Variants in NEMF observed in about 807,000 individuals in gnomAD.
NEMF encodes the protein ribosome quality control complex subunit NEMF.
NEMF carries 89 observed loss-of-function variants against 162.2 expected under a neutral mutation model. That is an observed-to-expected ratio of 0.55 (90% CI 0.46 to 0.65). The LOEUF (loss-of-function observed/expected upper bound fraction) is 0.65. Ranked by LOEUF, NEMF falls within the 30% of genes least tolerant of loss-of-function variation. The pLI is 0.00. For synonymous variants in NEMF, 421 were observed against 404.5 expected, an observed-to-expected ratio of 1.04 and a Z score of -0.49; for missense variants, 1,133 against 1,261.9, an observed-to-expected ratio of 0.90 and a Z score of 1.55.
intron 18 of NEMF, among the ~76,000 whole-genome samples, chr14:49,808,719 T>C (rs1891335181): frequency 1.3e-5 from 2 of 151,144 alleles, no homozygotes; most frequent in African/African-American, 2.4e-5. Flanking sequence ...TATCTAGTAG[T>C]GCCATACTAC....
At chr14:49,788,070 G>A (rs888297040) in intron 28 of NEMF, among the ~76,000 whole-genome samples, 1 of 152,254 alleles carries the variant, frequency 6.6e-6, no homozygotes, top group African/African-American at 2.4e-5. Flanking sequence ...CCTGAGATCA[G>A]GAGTTCAAGA....
At chr14:49,819,600 G>T (rs1257244529) in intron 16 of NEMF, among the ~76,000 whole-genome samples, 1 of 152,042 alleles carries the variant, frequency 6.6e-6, no homozygotes, top group Non-Finnish European at 1.5e-5. Flanking sequence ...TTTTTGTAGA[G>T]ACGGGGTTTC....
intron 22 of NEMF, 99 bp from the exon 23 acceptor site, chr14:49,800,795 T>G (rs1423797640): frequency 4.2e-6 from 5 of 1,182,490 alleles, no homozygotes; most frequent in Non-Finnish European, 6.0e-6. Flanking sequence ...TCTCCCATAT[T>G]TCTCCAAAAA....
intron 28 of NEMF, 90 bp downstream of exon 28, chr14:49,789,056 T>C: frequency 1.0e-6 from 1 of 965,090 alleles, no homozygotes; most frequent in Non-Finnish European, 1.6e-6. Flanking sequence ...TCACTTGTCT[T>C]GGTTTTAGCA....
At chr14:49,852,568 G>A (rs1893834429) in intron 1 of NEMF, 127 bp downstream of exon 1, 1 of 1,017,522 alleles carries the variant, frequency 9.8e-7, no homozygotes, top group South Asian at 1.4e-5. Flanking sequence ...GCCCACTCAG[G>A]CCTAGGCAGG....
chr14:49,791,950 A>T (rs1890473991), intron 26 of NEMF, among the ~76,000 whole-genome samples: 9 of 151,652 alleles, frequency 5.9e-5, no homozygotes, highest in Admixed American at 5.9e-4. Context: ...ATAAACCTAA[A>T]ATCATTAAAG....
rs765760063 is a variant in NEMF at position 49,828,807 on chromosome 14, T to C, written c.1233A>G (p.Arg411=). 3 of 1,523,622 alleles carry C rather than the reference T, an allele frequency of 2.0e-6. No individual in the cohort carries two copies. Among genetic ancestry groups the C allele is most frequent in the Admixed American group, 2.3e-5 (1 of 43,404 alleles). The allele number at this position is 1,523,622 out of a possible 1,614,324, so 94.4% of individuals were successfully genotyped here. ...LQTNHVTMLL[R]NPYLLSEEED... The stretch of plus-strand genomic sequence containing the variant: ...CCTCCTCTGATAACAAGTATGGATT[T>C]CTATTAAAAATATTCAATAGCATTT... The change falls in exon 14 of 33, where the codon AGA becomes AGG. Residue 411 remains arginine (R), a splice_region_variant and synonymous_variant. Transcript: ENST00000298310.
intron 8 of NEMF, 34 bp from the exon 9 acceptor site, chr14:49,832,311 C>A (rs778655564): frequency 3.7e-6 from 5 of 1,334,832 alleles, no homozygotes; most frequent in South Asian, 1.3e-5. Context: ...CATTCCTATT[C>A]ATAATTAACA....
At chr14:49,841,405 T>C (rs1893200069) in intron 4 of NEMF, among the ~76,000 whole-genome samples, 1 of 150,798 alleles carries the variant, frequency 6.6e-6, no homozygotes, top group Non-Finnish European at 1.5e-5. Flanking sequence ...AGAAACCCTG[T>C]CTCTACTAAA....
At chr14:49,806,179 C>A in intron 18 of NEMF, 46 bp from the exon 19 acceptor site, 1 of 1,328,728 alleles carries the variant, frequency 7.5e-7, no homozygotes, top group South Asian at 1.2e-5. Context: ...TATGGACTTT[C>A]TCCAGAGCAA....
At chr14:49,847,871 A>G (rs949318968) in intron 3 of NEMF, among the ~76,000 whole-genome samples, 1 of 151,774 alleles carries the variant, frequency 6.6e-6, no homozygotes, top group African/African-American at 2.4e-5. Flanking sequence ...ATCTCTACTA[A>G]AAATACAAAA....
chr14:49,817,525 A>G (rs1340614145), intron 16 of NEMF, among the ~76,000 whole-genome samples: 1 of 152,200 alleles, frequency 6.6e-6, no homozygotes, highest in African/African-American at 2.4e-5. Context: ...CTGACAAACA[A>G]GGAAAAAATA....
intron 28 of NEMF, among the ~76,000 whole-genome samples, chr14:49,788,747 C>T (rs1272210503): frequency 1.3e-5 from 2 of 151,896 alleles, no homozygotes; most frequent in East Asian, 1.9e-4. Flanking sequence ...TTAGTAGAGA[C>T]AGGGTTTCAC....
At chr14:49,827,515 G>A (rs893564722) in intron 15 of NEMF, among the ~76,000 whole-genome samples, 1 of 151,924 alleles carries the variant, frequency 6.6e-6, no homozygotes, top group Non-Finnish European at 1.5e-5. Flanking sequence ...GGATCACAAC[G>A]GGGCTAGGCA....
In NEMF at chr14:49,789,283, C is replaced by G; in HGVS notation, c.2758G>C (p.Glu920Gln). The G allele has an allele frequency of 6.2e-7, 1 of 1,614,168 alleles. No individual in the cohort carries two copies. The highest frequency in any genetic ancestry group is 8.5e-7 in the Non-Finnish European group (1 of 1,180,018). Residue 920 changes from glutamate (E) to glutamine (Q), a missense_variant, in exon 28 of 33, where the codon GAA becomes CAA. Transcript: ENST00000298310. ...KKGKKGKTKD[E>Q]PVKKQPQKPR... The stretch of plus-strand genomic sequence containing the variant: ...TTCTGGGGCTGTTTCTTCACAGGTT[C>G]GTCCTTTGTTTTTCCTTTCTTCCCC...
chr14:49,802,718 TTC>T lies in NEMF; in HGVS notation c.1923_1924del (p.Asn642PhefsTer12), dbSNP rs1566661954. 1 of 1,610,208 alleles carries T rather than the reference TTC, an allele frequency of 6.2e-7. No individual in the cohort carries two copies. The highest frequency in any genetic ancestry group is 1.7e-4 in the Middle Eastern group (1 of 6,042). On this transcript the variant is annotated frameshift_variant, in exon 21 of 33. Coordinates refer to ENST00000298310, the MANE Select transcript of NEMF (RefSeq NM_004713.6). LOFTEE classifies it high-confidence loss of function. ...CATTAGATATGAGGGAGGAAGAAAA[TTC>T]TTTTTTCCTACAAAAGATAACGTAC...
chr14:49,789,952 C>T (rs1890363545), intron 26 of NEMF, among the ~76,000 whole-genome samples: 1 of 152,162 alleles, frequency 6.6e-6, no homozygotes, highest in Admixed American at 6.5e-5. Flanking sequence ...AGCAGCAAAG[C>T]TAGGCTAGGC....
chr14:49,812,397 TTC>T (rs1891519857), intron 18 of NEMF, among the ~76,000 whole-genome samples: 1 of 152,156 alleles, frequency 6.6e-6, no homozygotes, highest in Admixed American at 6.6e-5. Context: ...TTTTTTCCTA[TTC>T]TCTGTTTTGT....
intron 29 of NEMF, 192 bp from the exon 30 acceptor site, chr14:49,785,512 T>C (rs955553117): frequency 5.6e-6 from 3 of 531,032 alleles, no homozygotes; most frequent in Non-Finnish European, 1.0e-5. Context: ...AAATATATTC[T>C]TTACTACTTA....
Sources: allele counts gnomAD v4.1 joint callset (sites outside exome capture counted in the v4.1 genomes callset), GRCh38; gene constraint gnomAD v4.1.1; transcripts MANE v1.5; gene names NCBI Gene and HGNC (gene_info 2026-07-23, HGNC 2026-07-21).